Variants in ZNF143 observed in about 807,000 individuals in gnomAD.
ZNF143 encodes zinc finger protein 143.
ZNF143 carries 49 observed loss-of-function variants against 74.1 expected under a neutral mutation model. That is an observed-to-expected ratio of 0.66 (90% CI 0.53 to 0.84). The LOEUF (loss-of-function observed/expected upper bound fraction) is 0.84. Among genes scored for constraint, ZNF143 ranks in the 40% least tolerant of loss-of-function variants. The probability of loss-of-function intolerance (pLI) is 0.00; values close to 1 mark genes in which losing one functional copy is unlikely to be tolerated. For missense variants in ZNF143, 637 were observed against 793.4 expected, an observed-to-expected ratio of 0.80 and a Z score of 2.37; for synonymous variants, 304 against 282.8, an observed-to-expected ratio of 1.07 and a Z score of -0.75.
intron 14 of ZNF143, among the ~76,000 whole-genome samples, chr11:9,521,226 G>C (rs1408993256): frequency 6.6e-6 from 1 of 152,206 alleles, no homozygotes; most frequent in East Asian, 1.9e-4. Flanking sequence ...ACAAACGTAT[G>C]ATGACATACA....
rs140210123 is a variant in ZNF143, at chr11:9,505,870, C to T, written c.1148-2749C>T. 3.7e-3 allele frequency among the ~76,000 whole-genome samples: 499 copies of T among 133,902 alleles called. 3 individuals are homozygous for T. The highest frequency in any genetic ancestry group is 0.014 in the African/African-American group (460 of 33,970). The allele number at this position is 133,902 out of a possible 152,430, so 87.8% of individuals were successfully genotyped here. ...CTCCAGCCTGGGCGACTGAGTGAGACTCCATATCAAAAAAAAAAAAAAAAA... is the reference window on the plus strand; with the variant it reads ...CTCCAGCCTGGGCGACTGAGTGAGATTCCATATCAAAAAAAAAAAAAAAAA... On this transcript the variant is annotated intron_variant, in intron 11 of 15. Transcript: ENST00000396602.
chr11:9,486,341 TTATA>T lies in ZNF143; in HGVS notation c.645+6803_645+6806del, dbSNP rs1291569303. Among the ~76,000 whole-genome samples, 3 of 82,958 alleles carry T rather than the reference TTATA, an allele frequency of 3.6e-5. No individual in the cohort carries two copies. The East Asian group carries it at 7.7e-4, about 21-fold the overall frequency. 54.4% of individuals were successfully genotyped at this position (82,958 alleles called of 152,430 possible). ...ATAATGGTCCTAGGCGCTAATTATATTATATATATATTATATATATATTATATAT... is the reference window on the plus strand; with the variant it reads ...ATAATGGTCCTAGGCGCTAATTATATTATATATTATATATATATTATATAT... On this transcript the variant is annotated intron_variant, in intron 7 of 15. Coordinates refer to ENST00000396602, the MANE Select transcript of ZNF143 (RefSeq NM_003442.6).
At chr11:9,462,835 A>G (rs538118606) in intron 1 of ZNF143, among the ~76,000 whole-genome samples, 40 of 152,322 alleles carry the variant, frequency 2.6e-4, no homozygotes, top group Non-Finnish European at 5.1e-4. Flanking sequence ...AGATTGCACC[A>G]TTGCACTCCA....
At chr11:9,477,733 CTG>C (rs373617366) in intron 5 of ZNF143, among the ~76,000 whole-genome samples, 4 of 152,242 alleles carry the variant, frequency 2.6e-5, no homozygotes, top group Non-Finnish European at 5.9e-5. Context: ...CATGGAGGGA[CTG>C]TGGAGTCATA....
At position 9,514,249 on chromosome 11, in the gene ZNF143, C is replaced by T. The variant is rs905735690; in HGVS notation, c.1524+1653C>T. 5.3e-5 allele frequency among the ~76,000 whole-genome samples: 8 copies of T among 152,166 alleles called. No homozygotes were observed. The South Asian group carries it at 6.2e-4, about 12-fold the overall frequency. ...GTATCATCCTCTCATGGCTCCTCTC[C>T]GACCATACAGAATAAGTCTTATCCT... is the stretch of plus-strand genomic sequence containing the variant. On this transcript the variant is annotated intron_variant, in intron 13 of 15. Coordinates refer to ENST00000396602, the MANE Select transcript of ZNF143 (RefSeq NM_003442.6).
intron 4 of ZNF143, 146 bp from the exon 5 acceptor site, chr11:9,474,404 T>C: frequency 1.3e-6 from 1 of 773,666 alleles, no homozygotes; most frequent in Non-Finnish European, 2.1e-6. Context: ...AGGGAAGCTT[T>C]ACTGAACTTA....
intron 5 of ZNF143, among the ~76,000 whole-genome samples, chr11:9,477,972 C>T (rs1165061350): frequency 6.6e-6 from 1 of 152,102 alleles, no homozygotes; most frequent in East Asian, 1.9e-4. Context: ...AATACAGGCG[C>T]GTGCCACCGT....
intron 5 of ZNF143, among the ~76,000 whole-genome samples, chr11:9,475,759 T>C (rs1856839236): frequency 6.6e-6 from 1 of 152,052 alleles, no homozygotes; most frequent in Non-Finnish European, 1.5e-5. Flanking sequence ...TAGCCAGTTG[T>C]GGTAGTGCAT....
intron 7 of ZNF143, among the ~76,000 whole-genome samples, chr11:9,488,597 C>A (rs920965478): frequency 6.6e-6 from 1 of 152,144 alleles, no homozygotes; most frequent in Non-Finnish European, 1.5e-5. Flanking sequence ...CCTACTTTTG[C>A]ATTTTGCCCT....
Position 9,508,807 on chromosome 11 carries a change from A to G in ZNF143, c.1336A>G (p.Ile446Val), listed in dbSNP as rs1848446715. The G allele has an allele frequency of 6.2e-7, 1 of 1,604,766 alleles. No homozygotes were observed. Among genetic ancestry groups the G allele is most frequent in the Non-Finnish European group, 8.5e-7 (1 of 1,175,102 alleles). The change falls in exon 12 of 16, where the codon ATC becomes GTC. Residue 446 changes from isoleucine (I) to valine (V), a missense_variant. Transcript: ENST00000396602. ...GACAGCCCACAACGACACTGAGCCC[A>G]TCGAGGAGGAGCAGGAAGCCTTCTT... ...KRTAHNDTEPIEEEQEAFFEP... is the reference protein window; with the variant it reads ...KRTAHNDTEPVEEEQEAFFEP...
chr11:9,475,378 G>A (rs771181640), intron 5 of ZNF143, among the ~76,000 whole-genome samples: 24 of 152,260 alleles, frequency 1.6e-4, no homozygotes, highest in Non-Finnish European at 3.4e-4. Flanking sequence ...TCCTGCCTCA[G>A]CCTCCTGAGC....
chr11:9,522,887 G>A (rs140788390), intron 14 of ZNF143, among the ~76,000 whole-genome samples: 1,848 of 151,614 alleles, frequency 0.012, 42 homozygotes, highest in African/African-American at 0.043. Context: ...TCAGCCTCCC[G>A]AGTAGCTGGG....
At chr11:9,478,114 C>G (rs1311746289) in intron 5 of ZNF143, among the ~76,000 whole-genome samples, 1 of 152,262 alleles carries the variant, frequency 6.6e-6, no homozygotes, top group Non-Finnish European at 1.5e-5. Flanking sequence ...GCTTGAGCCA[C>G]TGCACCCGGC....
intron 7 of ZNF143, among the ~76,000 whole-genome samples, chr11:9,486,559 T>A (rs1400565031): frequency 7.3e-6 from 1 of 136,324 alleles, no homozygotes; most frequent in African/African-American, 2.9e-5. Flanking sequence ...CTCCAGTTCC[T>A]TTTTCTGTGT....
intron 7 of ZNF143, among the ~76,000 whole-genome samples, chr11:9,484,606 T>G (rs948730759): frequency 1.6e-4 from 14 of 85,824 alleles, no homozygotes; most frequent in African/African-American, 2.8e-4. Context: ...AAGTTTGGTG[T>G]TTTTTTTTTT....
At chr11:9,526,458 GAGTT>G (rs1380087440) in intron 15 of ZNF143, among the ~76,000 whole-genome samples, 1 of 152,158 alleles carries the variant, frequency 6.6e-6, no homozygotes, top group Non-Finnish European at 1.5e-5. Flanking sequence ...ACTTGATAAA[GAGTT>G]AGAACACACT....
chr11:9,479,285 A>G (rs1847145529), intron 6 of ZNF143, among the ~76,000 whole-genome samples, 187 bp from the exon 7 acceptor site: 3 of 152,222 alleles, frequency 2.0e-5, no homozygotes, highest in African/African-American at 7.2e-5. Flanking sequence ...GATTACTGGC[A>G]TGAGCCACCA....
chr11:9,520,144 C>A (rs1053149273), intron 14 of ZNF143, among the ~76,000 whole-genome samples: 1 of 138,922 alleles, frequency 7.2e-6, no homozygotes, highest in Non-Finnish European at 1.5e-5. Context: ...TCAAGTGATT[C>A]TCCTGCCTCG....
intron 11 of ZNF143, among the ~76,000 whole-genome samples, chr11:9,507,994 T>C (rs1031482830): frequency 2.6e-5 from 4 of 152,220 alleles, no homozygotes; most frequent in African/African-American, 9.6e-5. Context: ...TAAAAAGTTC[T>C]AAAAATATGT....
Sources: allele counts gnomAD v4.1 joint callset (sites outside exome capture counted in the v4.1 genomes callset), GRCh38; gene constraint gnomAD v4.1.1; transcripts MANE v1.5; gene names NCBI Gene and HGNC (gene_info 2026-07-23, HGNC 2026-07-21).